The following TXNRD1 variants were observed in gnomAD, a reference collection of about 807,000 sequenced individuals.
TXNRD1 encodes the protein thioredoxin reductase 1, cytoplasmic.
A neutral mutation model predicts 80.3 loss-of-function variants in TXNRD1; 57 were observed. That is an observed-to-expected ratio of 0.71 (90% CI 0.57 to 0.89). TXNRD1 has a LOEUF of 0.89. Among genes scored for constraint, TXNRD1 ranks in the 40% least tolerant of loss-of-function variants. TXNRD1 has a pLI of 0.00. For missense variants in TXNRD1, 730 were observed against 803.0 expected, an observed-to-expected ratio of 0.91 and a Z score of 1.10; for synonymous variants, 291 against 285.2, an observed-to-expected ratio of 1.02 and a Z score of -0.20.
intron 4 of TXNRD1, among the ~76,000 whole-genome samples, chr12:104,290,439 C>G (rs2034141134): frequency 6.6e-6 from 1 of 151,848 alleles, no homozygotes; most frequent in African/African-American, 2.4e-5. Flanking sequence ...CACTTGTAAT[C>G]CCAGCACCTT....
rs569246042 is a variant in TXNRD1 at position 104,313,824 on chromosome 12, T to A, written c.610+507T>A. On this transcript the variant is annotated intron_variant, in intron 6 of 16. Coordinates refer to ENST00000525566, the MANE Select transcript of TXNRD1 (RefSeq NM_001093771.3). ...TCATGCCCTTGTGAAGCTTATATTC[T>A]AAGTGGGGAGACAAAAGATACCTAA... Among the ~76,000 whole-genome samples, 5 of 152,324 alleles carry A rather than the reference T, an allele frequency of 3.3e-5. No individual in the cohort carries two copies. In the East Asian group the frequency reaches 9.6e-4, roughly 29 times the overall value.
chr12:104,299,767 CAAAAAAA>C (rs35918319), intron 4 of TXNRD1, among the ~76,000 whole-genome samples: 1 of 104,858 alleles, frequency 9.5e-6, no homozygotes, highest in South Asian at 3.4e-4. Flanking sequence ...GACTCCGTCT[CAAAAAAA>C]AAAAAAAAAA....
intron 4 of TXNRD1, among the ~76,000 whole-genome samples, chr12:104,291,982 C>T (rs1032563493): frequency 6.6e-6 from 1 of 152,160 alleles, no homozygotes. Context: ...TGCTTATAGT[C>T]CTAAAGGCCA....
intron 1 of TXNRD1, among the ~76,000 whole-genome samples, chr12:104,229,024 C>T (rs148090837): frequency 9.9e-5 from 15 of 151,910 alleles, no homozygotes; most frequent in African/African-American, 3.6e-4. Context: ...CAGCCTAGAA[C>T]ATTTTCATTA....
chr12:104,217,091 A>G (rs2032232293), intron 1 of TXNRD1, among the ~76,000 whole-genome samples: 2 of 152,072 alleles, frequency 1.3e-5, no homozygotes, highest in Non-Finnish European at 2.9e-5. Flanking sequence ...GGGAAGAATA[A>G]AGGAACAGGG....
At chr12:104,292,700 ATTG>A (rs2034269691) in intron 4 of TXNRD1, among the ~76,000 whole-genome samples, 2 of 151,976 alleles carry the variant, frequency 1.3e-5, no homozygotes, top group South Asian at 2.1e-4. Context: ...GGCTTGCCTT[ATTG>A]TTTTTGTTTT....
chr12:104,260,581 T>C (rs1026507723), intron 3 of TXNRD1, among the ~76,000 whole-genome samples: 3 of 152,234 alleles, frequency 2.0e-5, no homozygotes, highest in Non-Finnish European at 4.4e-5. Flanking sequence ...CTGAAGCCTG[T>C]GTTATTTCCA....
At chr12:104,308,504 A>G (rs912119063) in intron 4 of TXNRD1, among the ~76,000 whole-genome samples, 4 of 152,076 alleles carry the variant, frequency 2.6e-5, no homozygotes, top group African/African-American at 7.2e-5. Context: ...TTTAATAAAT[A>G]TATTATTTTT....
chr12:104,248,955 T>G (rs1299087634), intron 1 of TXNRD1, among the ~76,000 whole-genome samples: 2 of 152,206 alleles, frequency 1.3e-5, no homozygotes, highest in African/African-American at 4.8e-5. Flanking sequence ...GTGCTGGGAT[T>G]ACAGGCATGA....
At chr12:104,327,844 TG>T (rs1179466560) in intron 13 of TXNRD1, among the ~76,000 whole-genome samples, 173 bp downstream of exon 13, 1 of 151,082 alleles carries the variant, frequency 6.6e-6, no homozygotes, top group Non-Finnish European at 1.5e-5. Flanking sequence ...TTAAGGCTGC[TG>T]TACATTGTGA....
intron 1 of TXNRD1, among the ~76,000 whole-genome samples, chr12:104,250,453 G>GT (rs962533508): frequency 3.3e-5 from 5 of 152,030 alleles, no homozygotes; most frequent in Middle Eastern, 3.4e-3. Context: ...TTTTAAAGCT[G>GT]TTTTTTTTAA....
chr12:104,275,438 C>T (rs1051675589), intron 3 of TXNRD1, among the ~76,000 whole-genome samples: 2 of 151,844 alleles, frequency 1.3e-5, no homozygotes, highest in African/African-American at 4.8e-5. Context: ...GGCTGGAGTG[C>T]AATGGTGCAA....
chr12:104,348,561 G>GGGC lies in TXNRD1; in HGVS notation c.*141_*142insGCG. 2.9e-6 allele frequency: 2 copies of GGGC among 694,630 alleles called. No homozygotes were observed. The highest frequency in any genetic ancestry group is 4.9e-6 in the Non-Finnish European group (2 of 408,092). The allele number at this position is 694,630 out of a possible 1,614,324, so 43.0% of individuals were successfully genotyped here. ...GCTTACCACCGCCCAAGGCCCCCTT[G>GGGC]GATCTCTTGGATAGGAGTTGGTGAA... On this transcript the variant is annotated 3_prime_UTR_variant, in exon 17 of 17. Transcript: ENST00000525566.
At chr12:104,261,536 G>A (rs181152216) in intron 3 of TXNRD1, among the ~76,000 whole-genome samples, 3 of 152,184 alleles carry the variant, frequency 2.0e-5, no homozygotes, top group African/African-American at 7.2e-5. Flanking sequence ...TTTTAAATGT[G>A]TGTTGCCAGT....
intron 3 of TXNRD1, among the ~76,000 whole-genome samples, chr12:104,266,991 A>T (rs868079230): frequency 1.2e-3 from 175 of 150,532 alleles, no homozygotes; most frequent in African/African-American, 3.8e-3. Context: ...AAAATAAAAT[A>T]AAAATAAAAA....
chr12:104,291,204 T>C (rs2034198929), intron 4 of TXNRD1: 2 of 459,912 alleles, frequency 4.3e-6, no homozygotes, highest in African/African-American at 2.1e-5. Flanking sequence ...GTCTTTTTTT[T>C]TTTTTTTTTT....
At chr12:104,336,062 A>G (rs1459827443) in intron 15 of TXNRD1, among the ~76,000 whole-genome samples, 1 of 152,206 alleles carries the variant, frequency 6.6e-6, no homozygotes, top group African/African-American at 2.4e-5. Context: ...TACATTAGAT[A>G]TCACTTTTAC....
intron 1 of TXNRD1, among the ~76,000 whole-genome samples, chr12:104,226,660 C>G (rs183705545): frequency 7.2e-5 from 11 of 152,272 alleles, no homozygotes; most frequent in Admixed American, 6.5e-4. Flanking sequence ...AGCACCTATG[C>G]GCCTTAGTTC....
chr12:104,320,716 C>T (rs952357936), intron 9 of TXNRD1, among the ~76,000 whole-genome samples: 3 of 151,746 alleles, frequency 2.0e-5, no homozygotes, highest in African/African-American at 7.3e-5. Context: ...GGACAAGCAA[C>T]ACAGGTTTTT....
Sources: allele counts gnomAD v4.1 joint callset (sites outside exome capture counted in the v4.1 genomes callset), GRCh38; gene constraint gnomAD v4.1.1; transcripts MANE v1.5; gene names NCBI Gene and HGNC (gene_info 2026-07-23, HGNC 2026-07-21).